Variants in ADCY9 observed in about 807,000 individuals in gnomAD.
The protein encoded by ADCY9 is adenylate cyclase type 9.
Under a neutral mutation model 101.5 loss-of-function variants are expected in ADCY9, and 50 were observed. The observed-to-expected ratio is 0.49, with a 90% CI of 0.39 to 0.62. ADCY9 has a LOEUF of 0.62. ADCY9 is among the 20% of genes least tolerant of loss of function. ADCY9 has a pLI of 0.00. For missense variants in ADCY9, 1,662 were observed against 1,800.4 expected, an observed-to-expected ratio of 0.92 and a Z score of 1.39; for synonymous variants, 905 against 769.3, an observed-to-expected ratio of 1.18 and a Z score of -2.92.
chr16:4,106,382 C>T (rs2057077067), intron 2 of ADCY9, among the ~76,000 whole-genome samples: 1 of 152,192 alleles, frequency 6.6e-6, no homozygotes, highest in Non-Finnish European at 1.5e-5. Context: ...TCTGATGCAG[C>T]CCAGTCCCTT....
intron 2 of ADCY9, among the ~76,000 whole-genome samples, chr16:4,008,915 G>A (rs1187888248): frequency 1.3e-5 from 2 of 152,116 alleles, no homozygotes; most frequent in African/African-American, 4.8e-5. Flanking sequence ...ATGGAAAGAT[G>A]CCATCGAGAG....
At chr16:4,018,951 T>TTTTGTGTGTGTGTGTGTGTGTGTG (rs1555509531) in intron 2 of ADCY9, among the ~76,000 whole-genome samples, 4 of 138,834 alleles carry the variant, frequency 2.9e-5, no homozygotes, top group Non-Finnish European at 4.7e-5. Context: ...AGAATCGCAG[T>TTTTGTGTGTGTGTGTGTGTGTGTG]TGTGTGTGTG....
intron 2 of ADCY9, chr16:4,054,313 G>C (rs1323173844): frequency 6.6e-6 from 1 of 151,846 alleles, no homozygotes; most frequent in East Asian, 1.9e-4. Flanking sequence ...CCCCGACGAA[G>C]ATCCCAGCTT....
intron 10 of ADCY9, among the ~76,000 whole-genome samples, chr16:3,971,285 C>T (rs539506781): frequency 2.0e-5 from 3 of 152,270 alleles, no homozygotes; most frequent in East Asian, 3.9e-4. Flanking sequence ...AAGCTGGTGC[C>T]GGCTTCCTCC....
chr16:4,004,118 C>T (rs745609156), intron 3 of ADCY9, among the ~76,000 whole-genome samples: 19 of 151,894 alleles, frequency 1.3e-4, no homozygotes, highest in South Asian at 2.1e-4. Flanking sequence ...CATAGTGGCA[C>T]ATGCCTGTGG....
chr16:3,967,954 G>C (rs1183164877), intron 10 of ADCY9, among the ~76,000 whole-genome samples: 1 of 152,060 alleles, frequency 6.6e-6, no homozygotes, highest in African/African-American at 2.4e-5. Flanking sequence ...TTGCCTTAAA[G>C]TGCTGGGATT....
rs543316774 is a variant in ADCY9 at position 3,963,952 on chromosome 16, G to C, written c.*1823C>G. The C allele has an allele frequency of 6.5e-6, 1 of 152,778 alleles. No individual in the cohort carries two copies. Among genetic ancestry groups the C allele is most frequent in the South Asian group, 2.1e-4 (1 of 4,830 alleles). 9.5% of individuals were successfully genotyped at this position (152,778 alleles called of 1,614,324 possible). A position where few individuals can be genotyped will look rare whatever the true frequency, so the allele number is the denominator to read the frequency against. ...GACCAGCAAACTGACAGTCACACCT[G>C]ACAGGAAACCTTACAGCTAATGGGG... On this transcript the variant is annotated 3_prime_UTR_variant, in exon 11 of 11. Coordinates refer to ENST00000294016, the MANE Select transcript of ADCY9 (RefSeq NM_001116.4).
chr16:4,021,562 G>A (rs1212339407), intron 2 of ADCY9, among the ~76,000 whole-genome samples: 2 of 152,344 alleles, frequency 1.3e-5, no homozygotes, highest in Non-Finnish European at 2.9e-5. Flanking sequence ...CCAACTCAGA[G>A]CTAGGAGAGT....
At chr16:4,065,008 T>C (rs547497104) in intron 2 of ADCY9, among the ~76,000 whole-genome samples, 170 of 152,014 alleles carry the variant, frequency 1.1e-3, no homozygotes, top group African/African-American at 3.8e-3. Context: ...GGAGGAGAAG[T>C]GAAAGGTCAT....
rs545277975 is a variant in ADCY9 at position 4,080,957 on chromosome 16, G to C, written c.1693+32793C>G. Among the ~76,000 whole-genome samples, 5 of 152,142 alleles carry C rather than the reference G, an allele frequency of 3.3e-5. No homozygotes were observed. In the South Asian group the frequency reaches 1.0e-3, roughly 31 times the overall value. On this transcript the variant is annotated intron_variant, in intron 2 of 10. Coordinates refer to ENST00000294016, the MANE Select transcript of ADCY9 (RefSeq NM_001116.4). ...TGGGATTGCTTTTTTCTGTTTTCTG[G>C]TTAAGGAAAACATTTCAAAGTTCAT...
At position 3,974,727 on chromosome 16, in the gene ADCY9, G is replaced by T; in HGVS notation, c.2829-17C>A. ...AATACAGAACTGAAATTAAAATGCA[G>T]AAAAATATTATCATAAAGAGCAAAG... On this transcript the variant is annotated splice_polypyrimidine_tract_variant and intron_variant, in intron 9 of 10. Transcript: ENST00000294016. 1 of 1,607,382 alleles carries T rather than the reference G, an allele frequency of 6.2e-7. No individual in the cohort carries two copies.
intron 2 of ADCY9, among the ~76,000 whole-genome samples, chr16:4,025,813 G>C (rs2056511102): frequency 1.3e-5 from 2 of 152,186 alleles, no homozygotes; most frequent in South Asian, 2.1e-4. Flanking sequence ...GGTGTGTTTG[G>C]TCTGGTGGCA....
rs559533290 is a variant in ADCY9 at position 3,966,149 on chromosome 16, T to G, written c.3688A>C (p.Asn1230His). ...TTCATCTGGCCTTTCCCCTTGACAT[T>G]CACGGTCCCTCTGTAGTCGAAGTCA... The part of the protein sequence containing the change: ...GYDFDYRGTV[N>H]VKGKGQMKTY... The change falls in exon 11 of 11, where the codon AAT becomes CAT. Residue 1230 changes from asparagine (N) to histidine (H), a missense_variant. Around this residue, in one of 5 missense-constraint regions of ADCY9, gnomAD observed 220 missense variants for 312.9 expected, o/e 0.70. Transcript: ENST00000294016. The G allele has an allele frequency of 6.2e-7, 1 of 1,614,206 alleles. No homozygotes were observed. Among genetic ancestry groups the G allele is most frequent in the Admixed American group, 1.7e-5 (1 of 60,024 alleles).
At position 4,114,770 on chromosome 16, in the gene ADCY9, A is replaced by T; in HGVS notation, c.673T>A (p.Ser225Thr). 1.2e-6 allele frequency: 2 copies of T among 1,613,278 alleles called. No homozygotes were observed. Among genetic ancestry groups the T allele is most frequent in the Non-Finnish European group, 1.7e-6 (2 of 1,180,046 alleles). ...AAAAAGAGCACTTCGATGCACATGG[A>T]GAAGCTCCCCACTTGAGATAAGCAA... Reference protein sequence around the residue: ...DTCLSQVGSFSMCIEVLFLLY... With the variant: ...DTCLSQVGSFTMCIEVLFLLY... The change falls in exon 2 of 11, where the codon TCC becomes ACC. Residue 225 changes from serine to threonine, a missense_variant. Coordinates refer to ENST00000294016, the MANE Select transcript of ADCY9 (RefSeq NM_001116.4). The surrounding 1 kb of genome is among the most constrained non-coding windows in gnomAD (Gnocchi z 4.3).
At chr16:4,099,100 T>A (rs1597225594) in intron 2 of ADCY9, among the ~76,000 whole-genome samples, 1 of 152,020 alleles carries the variant, frequency 6.6e-6, no homozygotes, top group African/African-American at 2.4e-5. Context: ...ACCCGGCTAA[T>A]TTTTGTATTT....
chr16:4,007,444 G>T lies in ADCY9; in HGVS notation c.1808C>A (p.Pro603His). The T allele has an allele frequency of 6.2e-7, 1 of 1,614,068 alleles. No homozygotes were observed. The highest frequency in any genetic ancestry group is 8.5e-7 in the Non-Finnish European group (1 of 1,180,006). Residue 603 changes from proline (P) to histidine (H), a missense_variant, in exon 3 of 11, where the codon CCT becomes CAT. Transcript: ENST00000294016. Reference sequence around the variant, plus strand: ...TGATGACGCTGTCCCCTGTCCCCTAGGGCCTGAGGACACCTGTGAGCCGTC... The same window carrying T: ...TGATGACGCTGTCCCCTGTCCCCTATGGCCTGAGGACACCTGTGAGCCGTC... The part of the protein sequence containing the change: ...VIDGSQVSSG[P>H]RGQGTASSGN...
At chr16:4,083,295 G>A (rs2056917221) in intron 2 of ADCY9, among the ~76,000 whole-genome samples, 1 of 152,038 alleles carries the variant, frequency 6.6e-6, no homozygotes, top group Non-Finnish European at 1.5e-5. Context: ...TAAGTTTTCT[G>A]TTTGTGTGGG....
chr16:4,046,254 ACAGTGCCCAGCACTGAACCACAACACC>A (rs1288221812), intron 2 of ADCY9, among the ~76,000 whole-genome samples: 1 of 152,124 alleles, frequency 6.6e-6, no homozygotes, highest in Non-Finnish European at 1.5e-5. Flanking sequence ...ACCACGGCAC[ACAGTGCCCAGCACTGAACCACAACACC>A]CAGTGCCCAG....
chr16:3,956,940 A>T (rs1196652806), intron 5 of ADCY9, among the ~76,000 whole-genome samples: 1 of 152,204 alleles, frequency 6.6e-6, no homozygotes, highest in Non-Finnish European at 1.5e-5. Flanking sequence ...ACATTTCTCC[A>T]TTCTAAGCAT....
Sources: gnomAD v4.1 joint callset for allele counts (sites outside exome capture counted in the v4.1 genomes callset) on GRCh38, gnomAD v4.1.1 for gene constraint, gnomAD v4.1.1 regional missense constraint, Gnocchi (gnomAD v3.1) non-coding constraint, MANE v1.5 for transcripts, NCBI Gene and HGNC (gene_info 2026-07-23, HGNC 2026-07-21) for gene names.